The following GRID2 variants were observed in gnomAD, a reference collection of about 807,000 sequenced individuals.
GRID2 encodes glutamate ionotropic receptor delta type subunit 2, also known as glutamate receptor ionotropic, delta-2.
Under a neutral mutation model 114.8 loss-of-function variants are expected in GRID2, and 33 were observed. The observed-to-expected ratio is 0.29, with a 90% CI of 0.22 to 0.38. The LOEUF (loss-of-function observed/expected upper bound fraction) is 0.38, where lower values mean the gene tolerates loss of function less well. Among genes scored for constraint, GRID2 ranks in the 10% least tolerant of loss-of-function variants. GRID2 has a pLI of 1.00. For missense variants in GRID2, 1,184 were observed against 1,257.7 expected, an observed-to-expected ratio of 0.94 and a Z score of 0.89; for synonymous variants, 505 against 449.9, an observed-to-expected ratio of 1.12 and a Z score of -1.55.
rs116723366 is a variant in GRID2, at chr4:93,633,855, T to C, written c.2360+7420T>C. On this transcript the variant is annotated intron_variant, in intron 14 of 15. Transcript: ENST00000282020. ...TAATCCTAATCCTTTAATACCCCAA[T>C]TGGAATGGGGTGCTTTCCAAGCATT... Among the ~76,000 whole-genome samples the C allele has an allele frequency of 8.0e-3, 1,220 of 152,216 alleles. 18 individuals are homozygous for C. Among genetic ancestry groups the C allele is most frequent in the African/African-American group, 0.027 (1,137 of 41,532 alleles).
chr4:92,572,373 T>C (rs1727671759), intron 1 of GRID2, among the ~76,000 whole-genome samples: 1 of 151,814 alleles, frequency 6.6e-6, no homozygotes, highest in Admixed American at 6.6e-5. Flanking sequence ...TAACAGGCTT[T>C]GAAATTGAGG....
intron 13 of GRID2, among the ~76,000 whole-genome samples, chr4:93,536,983 A>G (rs535717354): frequency 6.6e-5 from 10 of 151,376 alleles, no homozygotes; most frequent in Admixed American, 5.3e-4. Flanking sequence ...ATGTCTCTGC[A>G]TTTTTTTAAT....
At chr4:92,939,426 T>C (rs1187845135) in intron 2 of GRID2, among the ~76,000 whole-genome samples, 1 of 147,510 alleles carries the variant, frequency 6.8e-6, no homozygotes, top group Non-Finnish European at 1.5e-5. Context: ...GTTTTTTTCT[T>C]GTAAATTTGT....
chr4:93,466,962 T>TGAA (rs1724338032), intron 11 of GRID2, among the ~76,000 whole-genome samples: 1 of 152,176 alleles, frequency 6.6e-6, no homozygotes, highest in South Asian at 2.1e-4. Context: ...TTAAATGTAA[T>TGAA]ACATATTGTA....
intron 13 of GRID2, among the ~76,000 whole-genome samples, chr4:93,578,421 G>A (rs1736622799): frequency 6.6e-6 from 1 of 151,938 alleles, no homozygotes; most frequent in Non-Finnish European, 1.5e-5. Context: ...GTTGGGGATG[G>A]AAATACTGTT....
chr4:93,241,923 G>A lies in GRID2; in HGVS notation c.1245+3433G>A, dbSNP rs138603432. On this transcript the variant is annotated intron_variant, in intron 8 of 15. Transcript: ENST00000282020. ...ATTTGAATGCTCACAGACCAAGCCA[G>A]TAGTGAAGAAGAAAATGAAGATATA... Among the ~76,000 whole-genome samples, 7 of 151,818 alleles carry A rather than the reference G, an allele frequency of 4.6e-5. No individual in the cohort carries two copies. In the East Asian group the frequency reaches 9.7e-4, roughly 21 times the overall value.
intron 2 of GRID2, among the ~76,000 whole-genome samples, chr4:92,990,441 C>A (rs1754820023): frequency 6.6e-6 from 1 of 151,528 alleles, no homozygotes; most frequent in African/African-American, 2.4e-5. Context: ...TCCTGAGTAG[C>A]TGGGATTACA....
intron 1 of GRID2, among the ~76,000 whole-genome samples, chr4:93,802,420 GAA>G (rs1487725099): frequency 6.6e-6 from 1 of 151,030 alleles, no homozygotes; most frequent in Non-Finnish European, 1.5e-5. Context: ...CAGAGAGAGA[GAA>G]AGAGAGAGAG....
At chr4:93,627,253 T>A (rs2149691636) in intron 14 of GRID2, among the ~76,000 whole-genome samples, 1 of 152,300 alleles carries the variant, frequency 6.6e-6, no homozygotes, top group East Asian at 1.9e-4. Flanking sequence ...TTCTCTAGAA[T>A]CTAATGACAG....
intron 2 of GRID2, among the ~76,000 whole-genome samples, chr4:92,960,721 A>G (rs1448333738): frequency 2.0e-5 from 3 of 152,002 alleles, no homozygotes; most frequent in Non-Finnish European, 4.4e-5. Flanking sequence ...TATTTATACC[A>G]TGATGTTTAA....
Position 93,626,417 on chromosome 4 carries a change from G to A in GRID2, c.2342G>A (p.Arg781Gln), listed in dbSNP as rs148708296. The A allele has an allele frequency of 5.6e-6, 9 of 1,605,000 alleles. No homozygotes were observed. The highest frequency in any genetic ancestry group is 2.2e-5 in the East Asian group (1 of 44,572). The change falls in exon 14 of 16, where the codon CGA becomes CAA. Residue 781 changes from arginine to glutamine, a missense_variant. Arg to Gln is a conservative substitution (Grantham distance 43, BLOSUM62 1). Coordinates refer to ENST00000282020, the MANE Select transcript of GRID2 (RefSeq NM_001510.4). ...GCATTACAACATGGCAGTCCTTACC[G>A]AGATGTTTTTTCACAAAGGTAAGAT... The part of the protein sequence containing the change: ...GIALQHGSPY[R>Q]DVFSQRILEL...
chr4:93,440,742 T>C (rs1251136494), intron 10 of GRID2, among the ~76,000 whole-genome samples: 1 of 152,126 alleles, frequency 6.6e-6, no homozygotes, highest in African/African-American at 2.4e-5. Context: ...ATTATGTAGA[T>C]GCAAATGACT....
At chr4:92,671,030 C>T (rs1261198638) in intron 2 of GRID2, among the ~76,000 whole-genome samples, 1 of 152,186 alleles carries the variant, frequency 6.6e-6, no homozygotes, top group Middle Eastern at 3.4e-3. Flanking sequence ...TCTGTTCTCA[C>T]ATTGCTATAA....
intron 2 of GRID2, among the ~76,000 whole-genome samples, chr4:92,780,842 G>T (rs530510766): frequency 1.2e-3 from 184 of 151,526 alleles, no homozygotes; most frequent in Admixed American, 4.8e-3. Context: ...ACATTATAAT[G>T]TGTCCACCCA....
At chr4:92,930,202 C>G (rs1750119980) in intron 2 of GRID2, among the ~76,000 whole-genome samples, 1 of 151,228 alleles carries the variant, frequency 6.6e-6, no homozygotes, top group Admixed American at 6.6e-5. Context: ...CTGTCTGAAT[C>G]CAAAGGTGAA....
intron 8 of GRID2, among the ~76,000 whole-genome samples, chr4:93,257,939 T>A (rs1423206713): frequency 6.7e-6 from 1 of 148,866 alleles, no homozygotes; most frequent in African/African-American, 2.5e-5. Flanking sequence ...CCTCTGGATA[T>A]AAAATATGTA....
Position 93,113,810 on chromosome 4 carries a change from G to A in GRID2, c.735+2857G>A, listed in dbSNP as rs115314814. ...GAAGGAGGTGCTTCTTGAGTTGAGC[G>A]TTAAAGGACATGTGGATTGGATCAG... On this transcript the variant is annotated intron_variant, in intron 4 of 15. Coordinates refer to ENST00000282020, the MANE Select transcript of GRID2 (RefSeq NM_001510.4). Among the ~76,000 whole-genome samples the A allele has an allele frequency of 5.0e-3, 755 of 152,192 alleles. 12 individuals carry two copies. The highest frequency in any genetic ancestry group is 0.017 in the African/African-American group (716 of 41,514).
At chr4:93,680,318 G>A (rs1248371852) in intron 14 of GRID2, among the ~76,000 whole-genome samples, 1 of 151,980 alleles carries the variant, frequency 6.6e-6, no homozygotes, top group Non-Finnish European at 1.5e-5. Context: ...TCCAGGACCA[G>A]ATGGATTCAC....
intron 2 of GRID2, among the ~76,000 whole-genome samples, chr4:93,042,192 T>A (rs2149269701): frequency 6.6e-6 from 1 of 151,644 alleles, no homozygotes; most frequent in Non-Finnish European, 1.5e-5. Context: ...CATGAGCCAC[T>A]GCACCCGGCC....
Sources: allele counts gnomAD v4.1 joint callset (sites outside exome capture counted in the v4.1 genomes callset), GRCh38; gene constraint gnomAD v4.1.1; transcripts MANE v1.5; gene names NCBI Gene and HGNC (gene_info 2026-07-23, HGNC 2026-07-21).